The following CDH8 variants were observed in gnomAD, a reference collection of about 807,000 sequenced individuals.
CDH8 encodes the protein cadherin-8.
In CDH8, 17 loss-of-function variants were observed where a neutral mutation model predicts 68.1. The observed-to-expected ratio is 0.25, with a 90% CI of 0.17 to 0.37. CDH8 has a LOEUF of 0.37. Ranked by LOEUF, CDH8 falls within the 10% of genes least tolerant of loss-of-function variation. The pLI, the probability that CDH8 is intolerant of heterozygous loss-of-function variation, is 1.00. For missense variants in CDH8, 763 were observed against 999.3 expected (o/e 0.76, Z 3.19); for synonymous variants, 372 against 365.1 (o/e 1.02, Z -0.21).
chr16:62,019,162 G>A (rs958488510), intron 2 of CDH8, among the ~76,000 whole-genome samples: 47 of 152,188 alleles, frequency 3.1e-4, no homozygotes, highest in African/African-American at 1.1e-3. Flanking sequence ...GTATAAGAAC[G>A]CCTTGCCTTA....
At chr16:61,884,029 T>C (rs1219096076) in intron 3 of CDH8, among the ~76,000 whole-genome samples, 3 of 152,126 alleles carry the variant, frequency 2.0e-5, no homozygotes, top group Non-Finnish European at 2.9e-5. Flanking sequence ...GTGATTAAAA[T>C]GGGTTAGACA....
intron 4 of CDH8, among the ~76,000 whole-genome samples, chr16:61,833,874 T>A (rs10500456): frequency 0.059 from 9,004 of 151,902 alleles, 633 homozygotes; most frequent in East Asian, 0.23. Context: ...TTTGATTGTA[T>A]GCACCTTTGC....
At chr16:61,901,737 G>T (rs1173161842) in intron 2 of CDH8, among the ~76,000 whole-genome samples, 2 of 151,962 alleles carry the variant, frequency 1.3e-5, no homozygotes, top group East Asian at 1.9e-4. Flanking sequence ...ATGATAAAAA[G>T]GTCAAGGAGA....
intron 8 of CDH8, among the ~76,000 whole-genome samples, chr16:61,744,819 A>C (rs1373095284): frequency 6.6e-6 from 1 of 151,352 alleles, no homozygotes; most frequent in Admixed American, 6.6e-5. Flanking sequence ...GAATATTTGC[A>C]ATGCATTGTT....
At chr16:61,895,451 G>A in intron 3 of CDH8, among the ~76,000 whole-genome samples, 1 of 152,082 alleles carries the variant, frequency 6.6e-6, no homozygotes, top group East Asian at 1.9e-4. Context: ...TAGTATTGTT[G>A]TGTATATTAG....
At chr16:61,967,747 A>C (rs1965276448) in intron 2 of CDH8, among the ~76,000 whole-genome samples, 3 of 152,152 alleles carry the variant, frequency 2.0e-5, no homozygotes, top group Non-Finnish European at 4.4e-5. Flanking sequence ...TGGGATTTTC[A>C]GATTAGGGAT....
At chr16:61,782,619 C>A (rs1961105132) in intron 8 of CDH8, among the ~76,000 whole-genome samples, 1 of 151,586 alleles carries the variant, frequency 6.6e-6, no homozygotes, top group Admixed American at 6.6e-5. Context: ...CCTCTGTAGG[C>A]TCCACCTCTG....
At chr16:61,955,421 C>T (rs998874383) in intron 2 of CDH8, among the ~76,000 whole-genome samples, 3 of 152,148 alleles carry the variant, frequency 2.0e-5, no homozygotes, top group African/African-American at 4.8e-5. Flanking sequence ...TGTATGCCAC[C>T]GTCCTTTTCT....
chr16:61,920,424 C>T (rs1205487521), intron 2 of CDH8, among the ~76,000 whole-genome samples: 2 of 149,236 alleles, frequency 1.3e-5, no homozygotes, highest in East Asian at 4.0e-4. Context: ...ACAAACAACC[C>T]CATCAAAAAG....
At chr16:61,672,795 T>C (rs922069791) in intron 10 of CDH8, among the ~76,000 whole-genome samples, 2 of 152,048 alleles carry the variant, frequency 1.3e-5, no homozygotes, top group South Asian at 2.1e-4. Flanking sequence ...AAGATTCATA[T>C]TGAGGAAGAG....
intron 8 of CDH8, among the ~76,000 whole-genome samples, chr16:61,732,535 A>G (rs1959565537): frequency 6.6e-6 from 1 of 151,816 alleles, no homozygotes; most frequent in Non-Finnish European, 1.5e-5. Flanking sequence ...TATCTTTCAT[A>G]AATGAAGGTA....
At chr16:61,966,147 T>C (rs1337766971) in intron 2 of CDH8, among the ~76,000 whole-genome samples, 3 of 152,216 alleles carry the variant, frequency 2.0e-5, no homozygotes, top group African/African-American at 7.2e-5. Context: ...TAAAACAATG[T>C]CTTAGTCTAC....
chr16:61,801,435 C>A (rs1001628676), intron 7 of CDH8, among the ~76,000 whole-genome samples: 1 of 152,078 alleles, frequency 6.6e-6, no homozygotes, highest in Non-Finnish European at 1.5e-5. Context: ...GGACAGCTAG[C>A]GGTGTGAATT....
chr16:61,972,571 GGT>G (rs1555525996), intron 2 of CDH8, among the ~76,000 whole-genome samples: 101 of 131,532 alleles, frequency 7.7e-4, no homozygotes, highest in South Asian at 2.9e-3. Flanking sequence ...ACACATTGTG[GGT>G]GTGTGTGTGT....
At chr16:61,759,061 A>G (rs751241200) in intron 8 of CDH8, among the ~76,000 whole-genome samples, 10 of 152,206 alleles carry the variant, frequency 6.6e-5, no homozygotes, top group Non-Finnish European at 1.2e-4. Context: ...TCTACTAAGA[A>G]TCGTAACAGC....
chr16:61,919,467 T>G (rs1964320322), intron 2 of CDH8, among the ~76,000 whole-genome samples: 2 of 146,904 alleles, frequency 1.4e-5, no homozygotes, highest in Non-Finnish European at 3.0e-5. Flanking sequence ...GAGAAGTGCT[T>G]AAAGGAGCTG....
At chr16:61,989,493 TG>T (rs1290270898) in intron 2 of CDH8, among the ~76,000 whole-genome samples, 1 of 152,172 alleles carries the variant, frequency 6.6e-6, no homozygotes, top group African/African-American at 2.4e-5. Flanking sequence ...ATCTGGGCCC[TG>T]GAAGAACAAT....
chr16:61,901,387 A>T lies in CDH8; in HGVS notation c.339T>A (p.Asp113Glu), dbSNP rs1567520357. 3 of 1,613,880 alleles carry T rather than the reference A, an allele frequency of 1.9e-6. No individual in the cohort carries two copies. The highest frequency in any genetic ancestry group is 4.5e-5 in the East Asian group (2 of 44,860). Residue 113 changes from aspartate (D) to glutamate (E), a missense_variant, in exon 3 of 12, where the codon GAT (aspartate) becomes GAA (glutamate). By Grantham distance (45) the Asp-to-Glu change is conservative. Coordinates refer to ENST00000577390, the MANE Select transcript of CDH8 (RefSeq NM_001796.5). ...DGAGTIFQIN[D>E]VTGDIHAIKR... ...TTATAGCATGGATATCTCCAGTTACATCATTTATTTGAAATATGGTCCCAG... is the reference window on the plus strand; with the variant it reads ...TTATAGCATGGATATCTCCAGTTACTTCATTTATTTGAAATATGGTCCCAG...
At chr16:61,892,234 T>C (rs1431335843) in intron 3 of CDH8, among the ~76,000 whole-genome samples, 1 of 152,206 alleles carries the variant, frequency 6.6e-6, no homozygotes, top group Non-Finnish European at 1.5e-5. Flanking sequence ...GCTTGCTAAA[T>C]TAACATGTGG....
Sources: allele counts gnomAD v4.1 joint callset (sites outside exome capture counted in the v4.1 genomes callset), GRCh38; gene constraint gnomAD v4.1.1; transcripts MANE v1.5; gene names NCBI Gene and HGNC (gene_info 2026-07-23, HGNC 2026-07-21).